The following TBC1D14 variants were observed in gnomAD, a reference collection of about 807,000 sequenced individuals.
TBC1D14 encodes the protein TBC1 domain family, member 14.
A neutral mutation model predicts 79.0 loss-of-function variants in TBC1D14; 26 were observed. The ratio of observed to expected loss-of-function variants is 0.33; its 90% CI spans 0.24 to 0.46. TBC1D14 has a LOEUF of 0.46. Among genes scored for constraint, TBC1D14 ranks in the 20% least tolerant of loss-of-function variants. The pLI is 1.00. For missense variants in TBC1D14, 769 were observed against 887.6 expected, an observed-to-expected ratio of 0.87 and a Z score of 1.70; for synonymous variants, 394 against 349.9, an observed-to-expected ratio of 1.13 and a Z score of -1.40.
intron 2 of TBC1D14, among the ~76,000 whole-genome samples, chr4:6,945,339 T>C (rs1393466821): frequency 6.6e-6 from 1 of 152,180 alleles, no homozygotes; most frequent in Non-Finnish European, 1.5e-5. Flanking sequence ...GGCAGGTGTT[T>C]ACAGTTTGAT....
intron 3 of TBC1D14, among the ~76,000 whole-genome samples, chr4:6,981,937 C>T (rs970740514): frequency 6.6e-6 from 1 of 152,160 alleles, no homozygotes; most frequent in Non-Finnish European, 1.5e-5. Flanking sequence ...AGACTGAAGG[C>T]CTTCCCCTAA....
chr4:6,918,058 A>G (rs990437574), intron 1 of TBC1D14, among the ~76,000 whole-genome samples: 2 of 152,212 alleles, frequency 1.3e-5, no homozygotes, highest in East Asian at 1.9e-4. Context: ...AGGTCACTCA[A>G]CTTCTCCATA....
chr4:6,928,305 C>T (rs1269493781), intron 2 of TBC1D14, among the ~76,000 whole-genome samples: 3 of 152,154 alleles, frequency 2.0e-5, no homozygotes, highest in East Asian at 1.9e-4. Context: ...GACCACTTCC[C>T]GACCTGGCTG....
intron 2 of TBC1D14, among the ~76,000 whole-genome samples, chr4:6,941,987 G>T (rs1006958619): frequency 6.6e-6 from 1 of 152,164 alleles, no homozygotes; most frequent in South Asian, 2.1e-4. Context: ...GAATACACGG[G>T]CTTTGAGAAA....
intron 13 of TBC1D14, 67 bp from the exon 14 acceptor site, chr4:7,030,260 G>A: frequency 6.6e-7 from 1 of 1,521,684 alleles, no homozygotes; most frequent in Non-Finnish European, 9.1e-7. Flanking sequence ...TGCTGTCTCT[G>A]CTTCGCTGCT....
intron 2 of TBC1D14, among the ~76,000 whole-genome samples, chr4:6,927,725 G>C (rs1480293480): frequency 6.6e-6 from 1 of 152,204 alleles, no homozygotes; most frequent in African/African-American, 2.4e-5. Flanking sequence ...CGGGATGCCA[G>C]CAGCACTCCC....
chr4:6,962,911 G>C (rs186834392), intron 2 of TBC1D14, among the ~76,000 whole-genome samples: 2 of 151,942 alleles, frequency 1.3e-5, no homozygotes, highest in African/African-American at 4.8e-5. Flanking sequence ...ACACACACAC[G>C]GTGGCTGCTC....
intron 3 of TBC1D14, among the ~76,000 whole-genome samples, chr4:6,970,131 A>G (rs1459885373): frequency 1.3e-5 from 2 of 152,202 alleles, no homozygotes; most frequent in African/African-American, 4.8e-5. Context: ...CAATAACTCC[A>G]GTCAGGGCCG....
chr4:6,943,870 AAATCTAAATATGTTTCTT>A (rs765948707), intron 2 of TBC1D14, among the ~76,000 whole-genome samples: 17,574 of 152,214 alleles, frequency 0.12, 1,528 homozygotes, highest in African/African-American at 0.24. Context: ...CTTAACTTTT[AAATCTAAATATGTTTCTT>A]TTAAATTCTA....
At chr4:6,919,929 T>G (rs1723715232) in intron 1 of TBC1D14, among the ~76,000 whole-genome samples, 2 of 152,206 alleles carry the variant, frequency 1.3e-5, no homozygotes, top group Non-Finnish European at 2.9e-5. Flanking sequence ...TATTTATTTA[T>G]TTTGAAATAG....
chr4:6,964,866 G>A (rs371332431), intron 2 of TBC1D14, among the ~76,000 whole-genome samples: 1 of 152,174 alleles, frequency 6.6e-6, no homozygotes, highest in South Asian at 2.1e-4. Context: ...GAAAACCCCC[G>A]GAACTCCAAT....
chr4:7,024,613 G>A (rs1722156839), intron 12 of TBC1D14, among the ~76,000 whole-genome samples: 1 of 152,224 alleles, frequency 6.6e-6, no homozygotes, highest in African/African-American at 2.4e-5. Flanking sequence ...CTGTGCAGTG[G>A]CGCCAGCATT....
intron 1 of TBC1D14, among the ~76,000 whole-genome samples, chr4:6,917,838 G>A (rs1481616458): frequency 6.6e-6 from 1 of 152,190 alleles, no homozygotes; most frequent in African/African-American, 2.4e-5. Flanking sequence ...GTATTATCAC[G>A]CGGTAGGTGG....
At chr4:6,928,687 G>A (rs951982779) in intron 2 of TBC1D14, among the ~76,000 whole-genome samples, 3 of 152,156 alleles carry the variant, frequency 2.0e-5, no homozygotes, top group African/African-American at 7.2e-5. Flanking sequence ...ACAAAAATTA[G>A]CTGGGTTTCT....
At chr4:6,917,991 C>T (rs535933604) in intron 1 of TBC1D14, among the ~76,000 whole-genome samples, 24 of 152,276 alleles carry the variant, frequency 1.6e-4, no homozygotes, top group African/African-American at 4.1e-4. Flanking sequence ...TGAAAACTGA[C>T]GCCCTGTTCT....
At chr4:6,951,571 ACTC>A (rs1334298988) in intron 2 of TBC1D14, among the ~76,000 whole-genome samples, 1 of 152,188 alleles carries the variant, frequency 6.6e-6, no homozygotes, top group African/African-American at 2.4e-5. Context: ...GTGTTCATGT[ACTC>A]ACCTACACCC....
At chr4:6,920,883 A>G (rs1039446170) in intron 1 of TBC1D14, among the ~76,000 whole-genome samples, 3 of 152,098 alleles carry the variant, frequency 2.0e-5, no homozygotes, top group African/African-American at 7.2e-5. Flanking sequence ...AGTTCAAGCA[A>G]TTCTCCTTCC....
chr4:6,912,244 C>T (rs548421626), intron 1 of TBC1D14, among the ~76,000 whole-genome samples: 9 of 151,746 alleles, frequency 5.9e-5, no homozygotes, highest in Non-Finnish European at 1.3e-4. Context: ...CAAAAATTAG[C>T]TGGTTGTGGT....
At chr4:6,982,269 C>T (rs1407763994) in intron 3 of TBC1D14, among the ~76,000 whole-genome samples, 4 of 152,146 alleles carry the variant, frequency 2.6e-5, no homozygotes, top group Admixed American at 2.0e-4. Context: ...TTCCATACAA[C>T]GAAATATGAC....
Sources: allele counts gnomAD v4.1 joint callset (sites outside exome capture counted in the v4.1 genomes callset), GRCh38; gene constraint gnomAD v4.1.1; transcripts MANE v1.5; gene names NCBI Gene and HGNC (gene_info 2026-07-23, HGNC 2026-07-21).